The following TUSC3 variants were observed in gnomAD, a reference collection of about 807,000 sequenced individuals.
TUSC3 encodes the protein dolichyl-diphosphooligosaccharide--protein glycosyltransferase subunit TUSC3.
A neutral mutation model predicts 44.8 loss-of-function variants in TUSC3; 45 were observed. The observed-to-expected ratio is 1.00, with a 90% CI of 0.79 to 1.29. The LOEUF is 1.29. Among genes scored for constraint, TUSC3 ranks in the 50% most tolerant of loss-of-function variants. The probability of loss-of-function intolerance (pLI) is 0.00; values close to 1 mark genes in which losing one functional copy is unlikely to be tolerated. For synonymous variants in TUSC3, 212 were observed against 152.9 expected (o/e 1.39, Z -2.85); for missense variants, 519 against 437.9 (o/e 1.19, Z -1.65).
rs375655033 is a variant in TUSC3 at position 15,738,827 on chromosome 8, C to CTTTTTTTTTTT, written c.863-4698_863-4688dup. ...ACAAAATTACTATTAATATATCTTG[C>CTTTTTTTTTTT]TTTTTTTTTTTTTTTTTTTTTTTGA... On this transcript the variant is annotated intron_variant, in intron 7 of 10. Transcript: ENST00000503731. Among the ~76,000 whole-genome samples, 38 of 87,198 alleles carry CTTTTTTTTTTT rather than the reference C, an allele frequency of 4.4e-4. 3 individuals are homozygous for CTTTTTTTTTTT. Among genetic ancestry groups the CTTTTTTTTTTT allele is most frequent in the African/African-American group, 1.6e-3 (32 of 20,638 alleles). 57.2% of individuals were successfully genotyped at this position (87,198 alleles called of 152,430 possible).
chr8:15,435,178 C>T (rs1414738959), intron 1 of TUSC3, among the ~76,000 whole-genome samples: 1 of 151,000 alleles, frequency 6.6e-6, no homozygotes, highest in Admixed American at 6.6e-5. Flanking sequence ...CCTATTTCTC[C>T]ACATCCTCTC....
intron 1 of TUSC3, among the ~76,000 whole-genome samples, chr8:15,604,703 A>C (rs1051630855): frequency 6.6e-6 from 1 of 151,794 alleles, no homozygotes; most frequent in African/African-American, 2.4e-5. Flanking sequence ...TGTCAAAGTA[A>C]GCCTTTGAAC....
At chr8:15,517,071 C>A (rs1023763952) in intron 2 of TUSC3, among the ~76,000 whole-genome samples, 7 of 152,138 alleles carry the variant, frequency 4.6e-5, no homozygotes, top group Non-Finnish European at 8.8e-5. Context: ...CCATGACCGA[C>A]GTCACTAATC....
the TUSC3 span, among the ~76,000 whole-genome samples, chr8:15,850,036 C>G: frequency 6.6e-6 from 1 of 151,894 alleles, no homozygotes; most frequent in African/African-American, 2.4e-5. Context: ...TCGGGGGCCC[C>G]TATTTCTACA....
At chr8:15,632,763 C>T (rs939076942) in intron 2 of TUSC3, among the ~76,000 whole-genome samples, 2 of 152,252 alleles carry the variant, frequency 1.3e-5, no homozygotes, top group Middle Eastern at 6.8e-3. Context: ...TTTGAGTATT[C>T]CAACTCAAAG....
chr8:15,517,147 C>A (rs1232332363), intron 2 of TUSC3, among the ~76,000 whole-genome samples: 1 of 152,068 alleles, frequency 6.6e-6, no homozygotes, highest in East Asian at 1.9e-4. Flanking sequence ...GATTCTCTAG[C>A]AATAGCTCAG....
chr8:15,447,299 T>G (rs1217476811), intron 1 of TUSC3, among the ~76,000 whole-genome samples: 1 of 152,104 alleles, frequency 6.6e-6, no homozygotes, highest in Non-Finnish European at 1.5e-5. Flanking sequence ...GGGAAAAACG[T>G]TATAACTCAA....
chr8:15,785,019 A>ATG, the TUSC3 span, among the ~76,000 whole-genome samples: 1,210 of 152,056 alleles, frequency 8.0e-3, 12 homozygotes, highest in African/African-American at 0.025. Context: ...ATATATATAT[A>ATG]TATACACACA....
chr8:15,576,255 T>TTC (rs1803103562), intron 1 of TUSC3, among the ~76,000 whole-genome samples: 1 of 147,450 alleles, frequency 6.8e-6, no homozygotes, highest in Admixed American at 6.7e-5. Flanking sequence ...TTTTCTTTCT[T>TTC]TTTTTTTTTT....
At chr8:15,650,494 T>G (rs964081658) in intron 2 of TUSC3, among the ~76,000 whole-genome samples, 1 of 152,188 alleles carries the variant, frequency 6.6e-6, no homozygotes, top group East Asian at 1.9e-4. Flanking sequence ...AAAACTGTAG[T>G]TATGAACATC....
chr8:15,544,024 C>T (rs1388581409), intron 1 of TUSC3, among the ~76,000 whole-genome samples: 2 of 151,984 alleles, frequency 1.3e-5, no homozygotes, highest in African/African-American at 2.4e-5. Context: ...GTTATATTCC[C>T]TGTTGGAGAA....
At chr8:15,469,008 C>G (rs1800450633) in intron 1 of TUSC3, among the ~76,000 whole-genome samples, 1 of 150,966 alleles carries the variant, frequency 6.6e-6, no homozygotes, top group Non-Finnish European at 1.5e-5. Context: ...AAGGTAAAGG[C>G]ATGCCACACA....
intron 1 of TUSC3, among the ~76,000 whole-genome samples, chr8:15,454,234 C>A: frequency 6.6e-6 from 1 of 152,158 alleles, no homozygotes; most frequent in East Asian, 1.9e-4. Flanking sequence ...AAGTCACCCC[C>A]TTGGCCCTCT....
rs113186112 is a variant in TUSC3 at position 15,729,532 on chromosome 8, G to A, written c.799-1134G>A. On this transcript the variant is annotated intron_variant, in intron 6 of 10. Coordinates refer to ENST00000503731, the MANE Select transcript of TUSC3 (RefSeq NM_006765.4). The stretch of plus-strand genomic sequence containing the variant: ...CATATACACCATGGAATAGTACACA[G>A]CCATAGAAAATGAAATGATGTCCTT... Among the ~76,000 whole-genome samples, 27 of 152,150 alleles carry A rather than the reference G, an allele frequency of 1.8e-4. 1 individual carries two copies. Among genetic ancestry groups the A allele is most frequent in the African/African-American group, 6.0e-4 (25 of 41,420 alleles).
chr8:15,695,468 T>G (rs1260510118), intron 6 of TUSC3, among the ~76,000 whole-genome samples: 1 of 152,140 alleles, frequency 6.6e-6, no homozygotes, highest in East Asian at 1.9e-4. Context: ...CTCTTTTTCT[T>G]CCCAGGCTTG....
chr8:15,613,962 T>G (rs1376667250), intron 1 of TUSC3, among the ~76,000 whole-genome samples: 1 of 151,974 alleles, frequency 6.6e-6, no homozygotes, highest in African/African-American at 2.4e-5. Flanking sequence ...TTCCCTGTGT[T>G]ATCTCCCATG....
At chr8:15,467,635 G>C (rs1179653581) in intron 1 of TUSC3, among the ~76,000 whole-genome samples, 3 of 152,080 alleles carry the variant, frequency 2.0e-5, no homozygotes, top group South Asian at 4.2e-4. Context: ...GTTTCTATTG[G>C]AAACTGCTGT....
At chr8:15,456,319 T>C (rs1342521411) in intron 1 of TUSC3, among the ~76,000 whole-genome samples, 1 of 152,206 alleles carries the variant, frequency 6.6e-6, no homozygotes, top group Admixed American at 6.5e-5. Flanking sequence ...GCGGAACCTG[T>C]TGAGAAAGTT....
chr8:15,519,696 T>C (rs1223722911), intron 2 of TUSC3, among the ~76,000 whole-genome samples: 5 of 152,112 alleles, frequency 3.3e-5, no homozygotes, highest in Admixed American at 6.5e-5. Flanking sequence ...CGTGGGAAAA[T>C]TGTCTTCCAT....
Sources: gnomAD v4.1 joint callset for allele counts (sites outside exome capture counted in the v4.1 genomes callset) on GRCh38, gnomAD v4.1.1 for gene constraint, MANE v1.5 for transcripts, NCBI Gene and HGNC (gene_info 2026-07-23, HGNC 2026-07-21) for gene names.